The following ZGPAT variants were observed in gnomAD, a reference collection of about 807,000 sequenced individuals.
ZGPAT encodes the protein zinc finger CCCH-type and G-patch domain containing, also known as zinc finger CCCH-type with G patch domain-containing protein.
A neutral mutation model predicts 47.9 loss-of-function variants in ZGPAT; 39 were observed. The ratio of observed to expected loss-of-function variants is 0.81; its 90% CI spans 0.63 to 1.06. The LOEUF (loss-of-function observed/expected upper bound fraction) is 1.06, where lower values mean the gene tolerates loss of function less well. Ranked by LOEUF, ZGPAT falls within the 50% of genes least tolerant of loss-of-function variation. The pLI, the probability that ZGPAT is intolerant of heterozygous loss-of-function variation, is 0.00. For missense variants in ZGPAT, 717 were observed against 681.4 expected (o/e 1.05, Z -0.58); for synonymous variants, 348 against 292.9 (o/e 1.19, Z -1.92).
At chr20:63,729,095 G>A (rs916905511) in intron 2 of ZGPAT, among the ~76,000 whole-genome samples, 5 of 149,440 alleles carry the variant, frequency 3.3e-5, no homozygotes, top group East Asian at 2.0e-4. Context: ...GCAGTGGTGC[G>A]ATCTTGGCTC....
intron 2 of ZGPAT, among the ~76,000 whole-genome samples, chr20:63,712,564 G>A (rs147761218): frequency 2.6e-5 from 4 of 152,326 alleles, no homozygotes; most frequent in African/African-American, 9.6e-5. Context: ...TGCATAGAAT[G>A]TGTAGATCTG....
At chr20:63,713,057 C>T (rs542133788) in intron 2 of ZGPAT, among the ~76,000 whole-genome samples, 148 of 151,408 alleles carry the variant, frequency 9.8e-4, no homozygotes, top group African/African-American at 3.4e-3. Flanking sequence ...TGATGCTTCT[C>T]TAAGGAATTG....
rs562176581 is a variant in ZGPAT, at chr20:63,716,453, G to A, written c.584+7289G>A. 1.5e-4 allele frequency among the ~76,000 whole-genome samples: 22 copies of A among 151,686 alleles called. No homozygotes were observed. In the South Asian group the frequency reaches 4.4e-3, roughly 30 times the overall value. ...TTTATAGCCCTAGTTATTTCTGTAA[G>A]ATCAGTAGTAATAGCTCCACTTTCT... On this transcript the variant is annotated intron_variant, in intron 2 of 6. Transcript: ENST00000355969.
intron 2 of ZGPAT, among the ~76,000 whole-genome samples, chr20:63,712,612 C>T (rs546078344): frequency 2.0e-5 from 3 of 152,186 alleles, no homozygotes; most frequent in Non-Finnish European, 2.9e-5. Context: ...ATTAAGCCTT[C>T]TGGCTGGGTG....
chr20:63,713,383 A>G (rs1010023230), intron 2 of ZGPAT, among the ~76,000 whole-genome samples: 1 of 151,922 alleles, frequency 6.6e-6, no homozygotes, highest in Non-Finnish European at 1.5e-5. Context: ...GGTGCCTGCC[A>G]CCACGCCCAG....
intron 2 of ZGPAT, among the ~76,000 whole-genome samples, chr20:63,732,649 A>AGT (rs2091926042): frequency 5.9e-5 from 1 of 16,816 alleles, no homozygotes; most frequent in Admixed American, 5.7e-4. Context: ...TACATGTGTT[A>AGT]ATGTGTGTGT....
chr20:63,721,877 G>A (rs188507551), intron 2 of ZGPAT, among the ~76,000 whole-genome samples: 17 of 152,192 alleles, frequency 1.1e-4, no homozygotes, highest in Non-Finnish European at 2.1e-4. Context: ...TTAGCTGGGC[G>A]TGGTGGGTGC....
chr20:63,728,504 C>CACT (rs1372681329), intron 2 of ZGPAT, among the ~76,000 whole-genome samples: 4 of 152,212 alleles, frequency 2.6e-5, no homozygotes, highest in African/African-American at 9.6e-5. Flanking sequence ...GCCAGCCCCT[C>CACT]TCTCTTTGCT....
At chr20:63,717,579 T>G (rs2091744231) in intron 2 of ZGPAT, among the ~76,000 whole-genome samples, 1 of 152,116 alleles carries the variant, frequency 6.6e-6, no homozygotes, top group African/African-American at 2.4e-5. Context: ...TTTTTTGTTG[T>G]TGTTTTGTTG....
chr20:63,733,046 GTATGTGTGCGTGTGTA>G (rs1332501693), intron 2 of ZGPAT, among the ~76,000 whole-genome samples, 157 bp from the exon 3 acceptor site: 1 of 151,588 alleles, frequency 6.6e-6, no homozygotes, highest in Non-Finnish European at 1.5e-5. Flanking sequence ...ATGTGTGTGT[GTATGTGTGCGTGTGTA>G]TGTGTGTGCG....
At chr20:63,726,281 C>T (rs2091844967) in intron 2 of ZGPAT, among the ~76,000 whole-genome samples, 1 of 150,524 alleles carries the variant, frequency 6.6e-6, no homozygotes, top group African/African-American at 2.5e-5. Flanking sequence ...TCACTGCAAC[C>T]TCCACCTCTC....
chr20:63,733,152 T>C lies in ZGPAT; in HGVS notation c.585-67T>C, dbSNP rs559350729. ...GACAGTGCCCAGGCGGATGGGTCAGTGCTCCTGGGTTGGTTTGCCCCTGGT... is the reference window on the plus strand; with the variant it reads ...GACAGTGCCCAGGCGGATGGGTCAGCGCTCCTGGGTTGGTTTGCCCCTGGT... On this transcript the variant is annotated intron_variant, in intron 2 of 6. Transcript: ENST00000355969. The C allele has an allele frequency of 1.7e-5, 27 of 1,581,750 alleles. 1 individual carries two copies. The African/African-American group carries it at 3.2e-4, about 19-fold the overall frequency.
intron 2 of ZGPAT, among the ~76,000 whole-genome samples, chr20:63,716,871 G>A (rs921094270): frequency 2.0e-5 from 3 of 151,882 alleles, no homozygotes; most frequent in African/African-American, 7.3e-5. Flanking sequence ...TAGTAGAGAT[G>A]GGATTTCACC....
chr20:63,730,571 G>A (rs1007904738), intron 2 of ZGPAT, among the ~76,000 whole-genome samples: 4 of 152,080 alleles, frequency 2.6e-5, no homozygotes, highest in Admixed American at 6.6e-5. Flanking sequence ...TGCAACCTCC[G>A]CCTCCCGGGT....
At chr20:63,717,617 G>A (rs912399422) in intron 2 of ZGPAT, among the ~76,000 whole-genome samples, 10 of 152,210 alleles carry the variant, frequency 6.6e-5, no homozygotes, top group South Asian at 2.1e-4. Flanking sequence ...CTCTGTTGCC[G>A]TTTGGAGAGC....
chr20:63,733,352 G>A lies in ZGPAT; in HGVS notation c.718G>A (p.Asp240Asn), dbSNP rs377765852. Reference sequence around the variant, plus strand: ...CCTCTGGCACGCAGCACGCATCACCGGTGAGGCTGGCCGTGGGGGCCTCCC... The same window carrying A: ...CCTCTGGCACGCAGCACGCATCACCAGTGAGGCTGGCCGTGGGGGCCTCCC... ...DGLWHAARIT[D>N]VDNGYYTVKF... Residue 240 changes from aspartate (D) to asparagine (N), a missense_variant and splice_region_variant, in exon 3 of 7, where the codon GAT (aspartate) becomes AAT (asparagine). Coordinates refer to ENST00000355969, the MANE Select transcript of ZGPAT (RefSeq NM_181485.3). 5.6e-6 allele frequency: 9 copies of A among 1,609,968 alleles called. No individual in the cohort carries two copies. Among genetic ancestry groups the A allele is most frequent in the Non-Finnish European group, 7.6e-6 (9 of 1,179,318 alleles).
chr20:63,709,798 C>G (rs1195812025), intron 2 of ZGPAT, among the ~76,000 whole-genome samples: 1 of 151,932 alleles, frequency 6.6e-6, no homozygotes, highest in Non-Finnish European at 1.5e-5. Context: ...CCTGCCTCAG[C>G]CCCCCTAGGA....
Position 63,735,275 on chromosome 20 carries a change from G to C in ZGPAT, c.1108G>C (p.Ala370Pro). Residue 370 changes from alanine to proline, a missense_variant, in exon 6 of 7, where the codon GCT becomes CCT. Coordinates refer to ENST00000355969, the MANE Select transcript of ZGPAT (RefSeq NM_181485.3). ...TLQKQTRVGK[A>P]GTNKPPRCRG... is the part of the protein sequence containing the mutation. ...GCAGAAGCAGACCAGGGTTGGCAAG[G>C]CTGGCACCAACAAGCCCCCCAGGTG... 6.2e-7 allele frequency: 1 copy of C among 1,606,732 alleles called. No homozygotes were observed. Among genetic ancestry groups the C allele is most frequent in the Non-Finnish European group, 8.5e-7 (1 of 1,176,622 alleles).
intron 2 of ZGPAT, among the ~76,000 whole-genome samples, chr20:63,712,891 A>G (rs956382275): frequency 6.6e-6 from 1 of 152,022 alleles, no homozygotes; most frequent in Non-Finnish European, 1.5e-5. Context: ...GGGAGACTCC[A>G]TCTTAAACAA....
Sources: gnomAD v4.1 joint callset for allele counts (sites outside exome capture counted in the v4.1 genomes callset) on GRCh38, gnomAD v4.1.1 for gene constraint, MANE v1.5 for transcripts, NCBI Gene and HGNC (gene_info 2026-07-23, HGNC 2026-07-21) for gene names.